The following TBC1D5 variants were observed in gnomAD, a reference collection of about 807,000 sequenced individuals.
TBC1D5 encodes TBC1 domain family member 5, also known as TBC1 domain family, member 5.
Under a neutral mutation model 100.3 loss-of-function variants are expected in TBC1D5, and 75 were observed. The ratio of observed to expected loss-of-function variants is 0.75; its 90% confidence interval spans 0.62 to 0.91. The LOEUF is 0.91. TBC1D5 is among the 40% of genes least tolerant of loss of function. The pLI is 0.00. For synonymous variants in TBC1D5, 323 were observed against 325.6 expected (o/e 0.99, Z 0.09); for missense variants, 910 against 942.4 (o/e 0.97, Z 0.45).
intron 1 of TBC1D5, among the ~76,000 whole-genome samples, chr3:17,728,675 GA>G (rs553811142): frequency 1.3e-5 from 2 of 149,246 alleles, no homozygotes; most frequent in African/African-American, 4.9e-5. Context: ...CGAGCCATTT[GA>G]AAAAAAAATA....
chr3:17,487,925 T>C (rs866528817), intron 3 of TBC1D5, among the ~76,000 whole-genome samples: 2 of 152,224 alleles, frequency 1.3e-5, no homozygotes, highest in Admixed American at 6.5e-5. Flanking sequence ...GTTTCCACTA[T>C]TAACATCTTC....
intron 1 of TBC1D5, among the ~76,000 whole-genome samples, chr3:17,734,940 T>G (rs1462851513): frequency 1.3e-5 from 2 of 150,642 alleles, no homozygotes; most frequent in Non-Finnish European, 3.0e-5. Context: ...AAAAAAAAAT[T>G]TAATTAGCTG....
intron 17 of TBC1D5, 114 bp downstream of exon 17, chr3:17,238,049 A>C (rs2076004988): frequency 2.1e-6 from 3 of 1,415,644 alleles, no homozygotes; most frequent in African/African-American, 2.9e-5. Context: ...CATATTTAAA[A>C]AGTAAGTTTT....
intron 13 of TBC1D5, among the ~76,000 whole-genome samples, chr3:17,330,453 G>C (rs1344206172): frequency 6.6e-6 from 1 of 151,958 alleles, no homozygotes. Context: ...AGCTCACTCT[G>C]CTTCTTTAGT....
At chr3:17,461,042 A>C (rs1047647512) in intron 3 of TBC1D5, among the ~76,000 whole-genome samples, 3 of 152,220 alleles carry the variant, frequency 2.0e-5, no homozygotes, top group African/African-American at 7.2e-5. Flanking sequence ...CACAATATGC[A>C]AATCAGGTAA....
At chr3:17,481,665 G>A (rs1347082909) in intron 3 of TBC1D5, among the ~76,000 whole-genome samples, 2 of 152,234 alleles carry the variant, frequency 1.3e-5, no homozygotes, top group Non-Finnish European at 2.9e-5. Context: ...GAATAACTAT[G>A]TAGAATAAAT....
intron 15 of TBC1D5, among the ~76,000 whole-genome samples, chr3:17,282,435 G>A (rs1164006748): frequency 6.6e-6 from 1 of 152,158 alleles, no homozygotes; most frequent in African/African-American, 2.4e-5. Flanking sequence ...TAAAATGGAG[G>A]AGATTGGTTT....
intron 1 of TBC1D5, among the ~76,000 whole-genome samples, chr3:17,632,942 A>G (rs190405896): frequency 5.3e-4 from 80 of 152,278 alleles, no homozygotes; most frequent in Non-Finnish European, 8.2e-4. Flanking sequence ...AGGTATGCCT[A>G]TAGTGATAAT....
chr3:17,711,537 A>G (rs2153935327), intron 1 of TBC1D5, among the ~76,000 whole-genome samples: 1 of 152,274 alleles, frequency 6.6e-6, no homozygotes, highest in South Asian at 2.1e-4. Flanking sequence ...GTTTTACTCT[A>G]TATTTATGAA....
At chr3:17,391,283 G>A (rs775037538) in intron 8 of TBC1D5, among the ~76,000 whole-genome samples, 162 of 152,092 alleles carry the variant, frequency 1.1e-3, no homozygotes, top group African/African-American at 3.3e-3. Flanking sequence ...AAGGAGGACC[G>A]TAAAGCAGCA....
chr3:17,267,352 G>A (rs1177255791), intron 15 of TBC1D5, among the ~76,000 whole-genome samples: 2 of 151,446 alleles, frequency 1.3e-5, no homozygotes, highest in Non-Finnish European at 2.9e-5. Context: ...CAGTAGTACT[G>A]AACTCTTCAC....
intron 19 of TBC1D5, among the ~76,000 whole-genome samples, chr3:17,178,653 A>G (rs1225523543): frequency 6.6e-6 from 1 of 151,842 alleles, no homozygotes; most frequent in African/African-American, 2.4e-5. Context: ...GTTCTCTTTT[A>G]TTTATTTTAT....
chr3:17,415,143 TCTC>T (rs1430407548), intron 4 of TBC1D5, among the ~76,000 whole-genome samples: 7 of 152,076 alleles, frequency 4.6e-5, no homozygotes, highest in Non-Finnish European at 1.0e-4. Context: ...AATATAATAC[TCTC>T]CTTTTTATTA....
chr3:17,639,317 G>C (rs1231669609), intron 1 of TBC1D5, among the ~76,000 whole-genome samples: 1 of 151,934 alleles, frequency 6.6e-6, no homozygotes, highest in East Asian at 1.9e-4. Flanking sequence ...ATCCAGAAAA[G>C]GCAAAGCTAT....
intron 13 of TBC1D5, among the ~76,000 whole-genome samples, chr3:17,329,926 G>A (rs1479899153): frequency 6.6e-6 from 1 of 152,078 alleles, no homozygotes; most frequent in Non-Finnish European, 1.5e-5. Flanking sequence ...CAACTAAAAA[G>A]CATTTTAGGA....
chr3:17,739,633 AATTTCAGTATCTCAC>A (rs1196613047), exon 1 of TBC1D5: 2 of 152,236 alleles, frequency 1.3e-5, no homozygotes, highest in African/African-American at 4.8e-5. Context: ...CGAAACTGCA[AATTTCAGTATCTCAC>A]TCAGAAAAGA....
intron 14 of TBC1D5, among the ~76,000 whole-genome samples, chr3:17,301,194 C>A (rs1044490478): frequency 6.6e-6 from 1 of 150,914 alleles, no homozygotes; most frequent in Non-Finnish European, 1.5e-5. Context: ...AGTGTTTTAG[C>A]TATTAATGCA....
intron 2 of TBC1D5, among the ~76,000 whole-genome samples, chr3:17,623,030 G>A (rs563657496): frequency 1.3e-5 from 2 of 152,284 alleles, no homozygotes; most frequent in South Asian, 4.1e-4. Flanking sequence ...AAATTCTGGT[G>A]TGAGTTTCCA....
intron 2 of TBC1D5, among the ~76,000 whole-genome samples, chr3:17,511,963 A>C (rs1218514171): frequency 6.6e-6 from 1 of 152,054 alleles, no homozygotes; most frequent in Non-Finnish European, 1.5e-5. Context: ...GGATTTAAAT[A>C]ACCTAATTCA....
Sources: allele counts gnomAD v4.1 joint callset (sites outside exome capture counted in the v4.1 genomes callset), GRCh38; gene constraint gnomAD v4.1.1; transcripts MANE v1.5; gene names NCBI Gene and HGNC (gene_info 2026-07-23, HGNC 2026-07-21).